Variants in NAGPA observed in about 807,000 individuals in gnomAD.
NAGPA encodes alpha-N-acetylglucosaminyl phosphodiesterase.
NAGPA carries 56 observed loss-of-function variants against 48.5 expected under a neutral mutation model. That is an observed-to-expected ratio of 1.15 (90% confidence interval 0.93 to 1.44). NAGPA has a LOEUF of 1.44. Ranked by LOEUF, NAGPA falls within the 40% of genes most tolerant of loss-of-function variation. NAGPA has a pLI of 0.00. For missense variants in NAGPA, 888 were observed against 735.0 expected, an observed-to-expected ratio of 1.21 and a Z score of -2.41; for synonymous variants, 399 against 315.5, an observed-to-expected ratio of 1.26 and a Z score of -2.81.
At chr16:5,028,739 C>G in intron 5 of NAGPA, 141 bp downstream of exon 5, 1 of 1,355,782 alleles carries the variant, frequency 7.4e-7, no homozygotes, top group Admixed American at 1.7e-5. Flanking sequence ...TACTGGCATC[C>G]TGGGGGAGGG....
Position 5,028,082 on chromosome 16 carries a change from C to G in NAGPA, c.1024G>C (p.Asp342His), listed in dbSNP as rs915776125. The G allele has an allele frequency of 8.7e-6, 14 of 1,613,432 alleles. No homozygotes were observed. The highest frequency in any genetic ancestry group is 3.3e-5 in the South Asian group (3 of 91,016). ...PDCHGHGTCV[D>H]GHCQCTGHFW... The stretch of plus-strand genomic sequence containing the variant: ...TGCCCGGTGCATTGGCAGTGCCCGT[C>G]CACGCAGGTCCCGTGGCCGTGGCAG... The change falls in exon 6 of 10, where the codon GAC becomes CAC. Residue 342 changes from aspartate (D) to histidine (H), a missense_variant. By Grantham distance (81) the Asp-to-His change is moderately conservative. Transcript: ENST00000312251.
intron 4 of NAGPA, 57 bp from the exon 5 acceptor site, chr16:5,029,065 C>T: frequency 6.2e-7 from 1 of 1,604,660 alleles, no homozygotes; most frequent in East Asian, 2.2e-5. Context: ...TCTCATTTAA[C>T]TCCTTTTCCT....
chr16:5,032,524 C>G (rs551103009), intron 2 of NAGPA, among the ~76,000 whole-genome samples: 99 of 149,874 alleles, frequency 6.6e-4, no homozygotes, highest in African/African-American at 2.3e-3. Context: ...ACTAAAAATA[C>G]AAAAATCAGC....
intron 3 of NAGPA, 189 bp downstream of exon 3, chr16:5,031,556 T>G: frequency 2.6e-6 from 2 of 765,694 alleles, no homozygotes; most frequent in Non-Finnish European, 4.4e-6. Context: ...TTCAGCATAT[T>G]CTATAACTAT....
Position 5,025,318 on chromosome 16 carries a change from G to T in NAGPA, c.*160C>A. ...TGCAGGTGCCCTGGCAGGTGGCCAG[G>T]TGAGGGGCTGAGGCACAAGTGCTAT... is the stretch of plus-strand genomic sequence containing the variant. On this transcript the variant is annotated 3_prime_UTR_variant, in exon 10 of 10. Coordinates refer to ENST00000312251, the MANE Select transcript of NAGPA (RefSeq NM_016256.4). 1.2e-6 allele frequency: 1 copy of T among 836,958 alleles called. No individual in the cohort carries two copies. The highest frequency in any genetic ancestry group is 1.9e-6 in the Non-Finnish European group (1 of 524,134). The allele number at this position is 836,958 out of a possible 1,614,324, so 51.8% of individuals were successfully genotyped here.
intron 5 of NAGPA, chr16:5,028,533 C>CCCTCTCCAGTCTTTTATAGGTT (rs1956045886): frequency 1.7e-6 from 1 of 581,750 alleles, no homozygotes; most frequent in African/African-American, 1.9e-5. Flanking sequence ...CTGTGCCCAG[C>CCCTCTCCAGTCTTTTATAGGTT]CCTCTCCAGT....
At chr16:5,027,795 G>C (rs898685788) in intron 7 of NAGPA, 51 bp downstream of exon 7, 1 of 1,549,094 alleles carries the variant, frequency 6.5e-7, no homozygotes, top group Non-Finnish European at 8.7e-7. Flanking sequence ...AGCAGTGGGG[G>C]CTGCCGGGGG....
intron 5 of NAGPA, 62 bp downstream of exon 5, chr16:5,028,818 A>G: frequency 6.2e-7 from 1 of 1,612,124 alleles, no homozygotes; most frequent in South Asian, 1.1e-5. Flanking sequence ...TATTGGCTGA[A>G]TGAGACAGGC....
intron 4 of NAGPA, chr16:5,030,073 T>C (rs1338535865): frequency 2.0e-6 from 1 of 505,166 alleles, no homozygotes; most frequent in Non-Finnish European, 3.6e-6. Flanking sequence ...CATAGGTGGG[T>C]AGACAAGTCA....
intron 9 of NAGPA, among the ~76,000 whole-genome samples, chr16:5,025,955 G>C (rs896433914): frequency 1.3e-5 from 2 of 149,544 alleles, no homozygotes; most frequent in African/African-American, 4.9e-5. Flanking sequence ...TTGAGACAGA[G>C]TCTCGCCCTG....
At chr16:5,027,422 T>C in intron 7 of NAGPA, 43 bp from the exon 8 acceptor site, 2 of 1,591,494 alleles carry the variant, frequency 1.3e-6, no homozygotes, top group Non-Finnish European at 1.7e-6. Context: ...AGGAGAAAGG[T>C]TGGGGCCTCC....
chr16:5,027,364 C>T lies in NAGPA; in HGVS notation c.1190G>A (p.Trp397Ter). The T allele has an allele frequency of 1.2e-6, 2 of 1,613,746 alleles. No individual in the cohort carries two copies. Among genetic ancestry groups the T allele is most frequent in the Non-Finnish European group, 8.5e-7 (1 of 1,179,928 alleles). ...SNCSEECPLG[W>*]HGPGCQRPCK... Reference sequence around the variant, plus strand: ...AGGCCTCTGGCAGCCCGGCCCATGCCAGCCAAGGGGACACTCTATGGAAAG... The same window carrying T: ...AGGCCTCTGGCAGCCCGGCCCATGCTAGCCAAGGGGACACTCTATGGAAAG... Residue 397 changes from tryptophan to a stop codon, truncating the protein, a stop_gained, in exon 8 of 10, where the codon TGG (tryptophan) becomes TAG (stop). Transcript: ENST00000312251. LOFTEE classifies it high-confidence loss of function.
intron 7 of NAGPA, 143 bp downstream of exon 7, chr16:5,027,703 A>C: frequency 8.0e-7 from 1 of 1,253,958 alleles, no homozygotes; most frequent in Non-Finnish European, 1.1e-6. Context: ...GGAGTCACAC[A>C]GTGATGTGCA....
rs1422139534 is a variant in NAGPA, at chr16:5,030,391, T to C, written c.785A>G (p.Gln262Arg). 6 of 1,551,562 alleles carry C rather than the reference T, an allele frequency of 3.9e-6. No individual in the cohort carries two copies. The highest frequency in any genetic ancestry group is 5.2e-6 in the Non-Finnish European group (6 of 1,147,098). The change falls in exon 4 of 10, where the codon CAG (glutamine) becomes CGG (arginine). Residue 262 changes from glutamine to arginine, a missense_variant. Coordinates refer to ENST00000312251, the MANE Select transcript of NAGPA (RefSeq NM_016256.4). Reference sequence around the variant, plus strand: ...CTCAGCTCCCAGGACTCACCCACGCTGCTCCGTTTGGCCGTCTGCATGAAA... The same window carrying C: ...CTCAGCTCCCAGGACTCACCCACGCCGCTCCGTTTGGCCGTCTGCATGAAA... ...VLFHADGQTE[Q>R]RGINLWEMAE...
At chr16:5,032,555 C>G (rs895774402) in intron 2 of NAGPA, among the ~76,000 whole-genome samples, 1 of 151,942 alleles carries the variant, frequency 6.6e-6, no homozygotes, top group Non-Finnish European at 1.5e-5. Flanking sequence ...GGCACACGTC[C>G]GTAGTCCCAG....
At chr16:5,028,381 G>T in intron 5 of NAGPA, 196 bp from the exon 6 acceptor site, 1 of 1,074,884 alleles carries the variant, frequency 9.3e-7, no homozygotes, top group Non-Finnish European at 1.4e-6. Flanking sequence ...ACCGTAAGGT[G>T]TGCACCATCA....
At chr16:5,030,525 C>T (rs1441527739) in intron 3 of NAGPA, 32 bp from the exon 4 acceptor site, 1 of 1,517,016 alleles carries the variant, frequency 6.6e-7, no homozygotes, top group East Asian at 2.5e-5. Flanking sequence ...TGATCACCGC[C>T]CCTTGGGAGG....
At chr16:5,030,885 C>G in intron 3 of NAGPA, 1 of 312,356 alleles carries the variant, frequency 3.2e-6, no homozygotes, top group Admixed American at 4.5e-5. Context: ...CTAGCTTGCT[C>G]CTTTGTCAGA....
At chr16:5,028,465 G>A (rs1956044068) in intron 5 of NAGPA, 19 of 686,854 alleles carry the variant, frequency 2.8e-5, no homozygotes, top group South Asian at 2.7e-4. Context: ...AAACTCCTGG[G>A]CCCAAGCGAA....
Sources: gnomAD v4.1 joint callset for allele counts (sites outside exome capture counted in the v4.1 genomes callset) on GRCh38, gnomAD v4.1.1 for gene constraint, MANE v1.5 for transcripts, NCBI Gene and HGNC (gene_info 2026-07-23, HGNC 2026-07-21) for gene names.